PISD: variants seen among roughly 807,000 people sequenced by gnomAD.
PISD encodes the protein phosphatidylserine decarboxylase proenzyme, mitochondrial.
In PISD, 31 loss-of-function variants were observed where a neutral mutation model predicts 43.5. The ratio of observed to expected loss-of-function variants is 0.71; its 90% CI spans 0.54 to 0.96. The LOEUF (loss-of-function observed/expected upper bound fraction) is 0.96. PISD is among the 40% of genes least tolerant of loss of function. The probability of loss-of-function intolerance (pLI) is 0.00; values close to 1 mark genes in which losing one functional copy is unlikely to be tolerated. For missense variants in PISD, 523 were observed against 548.4 expected (o/e 0.95, Z 0.46); for synonymous variants, 259 against 228.7 (o/e 1.13, Z -1.20).
chr22:31,626,605 G>A (rs1197153089), intron 3 of PISD, among the ~76,000 whole-genome samples: 1 of 152,164 alleles, frequency 6.6e-6, no homozygotes, highest in Non-Finnish European at 1.5e-5. Flanking sequence ...GGGAAAACCA[G>A]CCTGGGGCTG....
chr22:31,644,983 G>C (rs1224936475), intron 3 of PISD, among the ~76,000 whole-genome samples: 1 of 152,008 alleles, frequency 6.6e-6, no homozygotes, highest in Non-Finnish European at 1.5e-5. Context: ...ATTAGCTGGC[G>C]CAGTAATAGG....
intron 3 of PISD, among the ~76,000 whole-genome samples, chr22:31,636,469 T>C (rs2073439788): frequency 6.6e-6 from 1 of 152,128 alleles, no homozygotes. Flanking sequence ...TTCAAGCGAT[T>C]CTCCTGCCTC....
At position 31,630,492 on chromosome 22, in the gene PISD, C is replaced by G. The variant is rs994125095; in HGVS notation, c.322-8607G>C. On this transcript the variant is annotated intron_variant, in intron 3 of 7. Coordinates refer to ENST00000439502, the MANE Select transcript of PISD (RefSeq NM_001326411.2). This position sits in a 1 kb window ranked among gnomAD's most constrained non-coding sequence, Gnocchi z 4.4. ...ACCCCCTCACTTCCCGCGGCCGCCT[C>G]ACTTCCCGTACGCTCTTCACTTCCC... 1.9e-5 allele frequency: 3 copies of G among 156,280 alleles called. No individual in the cohort carries two copies. Among genetic ancestry groups the G allele is most frequent in the African/African-American group, 7.2e-5 (3 of 41,518 alleles). 9.7% of individuals were successfully genotyped at this position (156,280 alleles called of 1,614,324 possible).
chr22:31,634,480 C>A (rs534956892), intron 3 of PISD, among the ~76,000 whole-genome samples: 1 of 152,366 alleles, frequency 6.6e-6, no homozygotes, highest in East Asian at 1.9e-4. Context: ...CAGAGCCCCA[C>A]CAGCAGCTCC....
intron 3 of PISD, among the ~76,000 whole-genome samples, chr22:31,641,110 T>G (rs1374288668): frequency 1.3e-5 from 2 of 151,920 alleles, no homozygotes; most frequent in Non-Finnish European, 2.9e-5. Context: ...TGGTCTTAAC[T>G]CCTGACCTCA....
In PISD at chr22:31,619,294, G is replaced by T. The variant is rs2072340369; in HGVS notation, c.*318C>A. 2.8e-6 allele frequency: 1 copy of T among 362,688 alleles called. No homozygotes were observed. Among genetic ancestry groups the T allele is most frequent in the Non-Finnish European group, 5.3e-6 (1 of 188,202 alleles). 22.5% of individuals were successfully genotyped at this position (362,688 alleles called of 1,614,324 possible). A position where few individuals can be genotyped will look rare whatever the true frequency, so the allele number is the denominator to read the frequency against. On this transcript the variant is annotated 3_prime_UTR_variant, in exon 8 of 8. Transcript: ENST00000439502. ...AAACGACAACCGAGACCAACTGAAGGTTCGGTCAGGAATGCAGGCTCTTCC... is the reference window on the plus strand; with the variant it reads ...AAACGACAACCGAGACCAACTGAAGTTTCGGTCAGGAATGCAGGCTCTTCC...
chr22:31,623,748 T>TAGAG, intron 3 of PISD: 2 of 1,614,176 alleles, frequency 1.2e-6, no homozygotes, highest in Non-Finnish European at 1.7e-6. Flanking sequence ...CAGGAGGTAG[T>TAGAG]AGAGGACGGT....
At chr22:31,649,719 G>A (rs138334987) in intron 2 of PISD, among the ~76,000 whole-genome samples, 1,796 of 152,110 alleles carry the variant, frequency 0.012, 36 homozygotes, top group African/African-American at 0.042. Context: ...GCGACAGAGC[G>A]AGACTCCATC....
intron 3 of PISD, among the ~76,000 whole-genome samples, chr22:31,626,723 A>G (rs62237839): frequency 0.066 from 10,008 of 152,254 alleles, 333 homozygotes; most frequent in African/African-American, 0.09. Context: ...GGGAGGACAC[A>G]CCCGGCCCCT....
In PISD at chr22:31,621,009, C is replaced by G; in HGVS notation, c.831G>C (p.Arg277=). 1 of 1,612,792 alleles carries G rather than the reference C, an allele frequency of 6.2e-7. No homozygotes were observed. Among genetic ancestry groups the G allele is most frequent in the South Asian group, 1.1e-5 (1 of 91,042 alleles). Residue 277 remains arginine, a synonymous_variant, in exon 6 of 8, where the codon CGG becomes CGC. Transcript: ENST00000439502. ...CCCCGGGCTGACCTGGGAAGTGGCG[C>G]CGGTGGGACACAGTCCAGTCGGTGG... ...HSPTDWTVSH[R]RHFPGSLMSV...
At position 31,621,097 on chromosome 22, in the gene PISD, C is replaced by G. The variant is rs747033677; in HGVS notation, c.743G>C (p.Gly248Ala). The change falls in exon 6 of 8, where the codon GGG (glycine) becomes GCG (alanine). Residue 248 changes from glycine to alanine, a missense_variant. By Grantham distance (60) the Gly-to-Ala change is moderately conservative. Coordinates refer to ENST00000439502, the MANE Select transcript of PISD (RefSeq NM_001326411.2). ...GATGACACAGTGATAGAGCTCATTC[C>G]CTTCCCGGGTGACCAGCTGGTTCTT... Reference protein sequence around the residue: ...SFKNQLVTREGNELYHCVIYL... With the variant: ...SFKNQLVTREANELYHCVIYL... 1 of 1,614,168 alleles carries G rather than the reference C, an allele frequency of 6.2e-7. No homozygotes were observed. The highest frequency in any genetic ancestry group is 8.5e-7 in the Non-Finnish European group (1 of 1,180,006).
At chr22:31,629,381 T>TGA (rs144624624) in intron 3 of PISD, 23,984 of 172,038 alleles carry the variant, frequency 0.14, 2,024 homozygotes, top group East Asian at 0.41. Flanking sequence ...TGTGTAGGTG[T>TGA]GAGTGTGTTA....
intron 1 of PISD, among the ~76,000 whole-genome samples, 175 bp downstream of exon 1, chr22:31,661,969 C>A (rs1163535291): frequency 6.6e-6 from 1 of 152,158 alleles, no homozygotes; most frequent in Non-Finnish European, 1.5e-5. Flanking sequence ...TAAGTAAATC[C>A]GGACCGCCCT....
intron 3 of PISD, among the ~76,000 whole-genome samples, chr22:31,643,563 C>T (rs1403029426): frequency 1.3e-5 from 2 of 152,172 alleles, no homozygotes; most frequent in Admixed American, 6.5e-5. Flanking sequence ...CACACCACTA[C>T]TCTCCAGCCT....
At position 31,620,856 on chromosome 22, in the gene PISD, C is replaced by T. The variant is rs913215418; in HGVS notation, c.844+140G>A. The T allele has an allele frequency of 1.3e-5, 18 of 1,378,406 alleles. No homozygotes were observed. The South Asian group carries it at 2.1e-4, about 16-fold the overall frequency. 85.4% of individuals were successfully genotyped at this position (1,378,406 alleles called of 1,614,324 possible). The stretch of plus-strand genomic sequence containing the variant: ...CTGACTGGGCCCCACGGTCCCCTGC[C>T]CACAACCAGCCTGCATAAAGCAGTC... On this transcript the variant is annotated intron_variant, in intron 6 of 7. Coordinates refer to ENST00000439502, the MANE Select transcript of PISD (RefSeq NM_001326411.2).
chr22:31,641,738 T>C (rs2073736265), intron 3 of PISD, among the ~76,000 whole-genome samples: 1 of 151,076 alleles, frequency 6.6e-6, no homozygotes, highest in South Asian at 2.1e-4. Context: ...GAGAACTGCT[T>C]GAACCCGGGA....
intron 1 of PISD, among the ~76,000 whole-genome samples, chr22:31,661,519 T>C (rs1398844321): frequency 6.6e-6 from 1 of 152,154 alleles, no homozygotes. Context: ...GGGTCCGGGC[T>C]CTGCTACAAA....
At chr22:31,646,100 T>G (rs909313041) in intron 3 of PISD, among the ~76,000 whole-genome samples, 1 of 151,952 alleles carries the variant, frequency 6.6e-6, no homozygotes, top group Non-Finnish European at 1.5e-5. Context: ...GGAGTCCCAC[T>G]TGAAAATCCA....
At chr22:31,628,374 C>T (rs1045546175) in intron 3 of PISD, among the ~76,000 whole-genome samples, 6 of 152,248 alleles carry the variant, frequency 3.9e-5, no homozygotes, top group African/African-American at 1.4e-4. Flanking sequence ...TTCATCCTCT[C>T]TGGCTGTCTT....
Sources: gnomAD v4.1 joint callset for allele counts (sites outside exome capture counted in the v4.1 genomes callset) on GRCh38, gnomAD v4.1.1 for gene constraint, Gnocchi (gnomAD v3.1) non-coding constraint, MANE v1.5 for transcripts, NCBI Gene and HGNC (gene_info 2026-07-23, HGNC 2026-07-21) for gene names.